The following NPIPB7 variants were observed in gnomAD, a reference collection of about 807,000 sequenced individuals.
NPIPB7 encodes the protein nuclear pore complex interacting protein family member B7.
For missense variants in NPIPB7, 14 were observed against 238.5 expected (o/e 0.06, Z 6.20); for synonymous variants, 9 against 88.1 (o/e 0.10, Z 5.03).
intron 2 of NPIPB7, among the ~76,000 whole-genome samples, chr16:28,464,825 TG>T (rs1191281687): frequency 6.7e-6 from 1 of 149,968 alleles, no homozygotes; most frequent in African/African-American, 2.5e-5. Flanking sequence ...TTGTAGAATT[TG>T]TTTTTTCCTG....
chr16:28,461,394 C>G (rs1448597437), intron 4 of NPIPB7, among the ~76,000 whole-genome samples: 1 of 141,406 alleles, frequency 7.1e-6, no homozygotes, highest in Non-Finnish European at 1.5e-5. Flanking sequence ...TGCCACTAGG[C>G]CTCAATTCAT....
intron 2 of NPIPB7, among the ~76,000 whole-genome samples, chr16:28,464,923 C>T (rs1268679183): frequency 2.1e-5 from 3 of 144,838 alleles, no homozygotes; most frequent in Admixed American, 6.9e-5. Context: ...AAAAGAGCAA[C>T]CACGTCAATC....
At chr16:28,472,036 A>G (rs1596615814), upstream of NPIPB7, among the ~76,000 whole-genome samples, 2 of 152,356 alleles carry the variant, frequency 1.3e-5, no homozygotes, top group Admixed American at 1.3e-4. Context: ...TCTCCAAAAA[A>G]AAAAAGTTGG....
At chr16:28,471,924 G>A (rs1234735926), upstream of NPIPB7, among the ~76,000 whole-genome samples, 1 of 152,196 alleles carries the variant, frequency 6.6e-6, no homozygotes, top group Non-Finnish European at 1.5e-5. Flanking sequence ...CAGATACTTG[G>A]TAGGCTGAGG....
At chr16:28,463,727 CAAA>C (rs1199745082) in intron 2 of NPIPB7, among the ~76,000 whole-genome samples, 307 of 14,734 alleles carry the variant, frequency 0.021, no homozygotes, top group Middle Eastern at 0.05. Flanking sequence ...AACTCTGTCT[CAAA>C]AAAAAAAAAA....
At chr16:28,470,563 A>C (rs1215756775), upstream of NPIPB7, 13 of 83,868 alleles carry the variant, frequency 1.6e-4, no homozygotes, top group Non-Finnish European at 1.9e-4. Context: ...GGGGAGGGGG[A>C]GGGGAAGGGG....
At chr16:28,462,482 A>G (rs1363869688) in intron 4 of NPIPB7, among the ~76,000 whole-genome samples, 192 bp downstream of exon 4, 2 of 146,648 alleles carry the variant, frequency 1.4e-5, no homozygotes, top group Admixed American at 6.7e-5. Context: ...CCCCGAAAAA[A>G]TTACAAACAA....
At chr16:28,464,033 C>CAA (rs1221794474) in intron 2 of NPIPB7, among the ~76,000 whole-genome samples, 2 of 26,026 alleles carry the variant, frequency 7.7e-5, no homozygotes, top group East Asian at 2.3e-3. Context: ...GACTCCGTCT[C>CAA]AAAAAAAAAA....
intron 4 of NPIPB7, among the ~76,000 whole-genome samples, chr16:28,461,863 G>A (rs594383): frequency 1.4e-3 from 197 of 138,806 alleles, no homozygotes; most frequent in Middle Eastern, 3.7e-3. Flanking sequence ...GATAAGAATC[G>A]CTTGAACCTG....
rs1166571913 is a variant in NPIPB7, at chr16:28,462,095, C to T, written c.545+579G>A. ...TTGCACCATAGCACTCCAGCCTGGG[C>T]GACAGAGCGAGATTCTATCTCAAAA... On this transcript the variant is annotated intron_variant, in intron 4 of 6. Coordinates refer to ENST00000452313, the Ensembl canonical transcript of NPIPB7. 7.0e-4 allele frequency among the ~76,000 whole-genome samples: 103 copies of T among 146,506 alleles called. No individual in the cohort carries two copies. In the South Asian group the frequency reaches 9.5e-3, roughly 13 times the overall value.
intron 2 of NPIPB7, among the ~76,000 whole-genome samples, chr16:28,465,583 T>C (rs1162798700): frequency 1.4e-5 from 2 of 138,634 alleles, no homozygotes; most frequent in African/African-American, 2.6e-5. Flanking sequence ...TAAATGTGCC[T>C]AGATATCTTC....
chr16:28,465,411 G>A (rs1306479025), intron 2 of NPIPB7, among the ~76,000 whole-genome samples: 1 of 94,910 alleles, frequency 1.1e-5, no homozygotes, highest in African/African-American at 3.5e-5. Flanking sequence ...CTTGAAGCCA[G>A]GAGGTGGAGG....
At chr16:28,463,757 C>G in intron 2 of NPIPB7, among the ~76,000 whole-genome samples, 1 of 132,524 alleles carries the variant, frequency 7.5e-6, no homozygotes, top group Admixed American at 8.2e-5. Flanking sequence ...AAAAAATAGC[C>G]CAGGTGCGGT....
At chr16:28,463,387 TCTCACACACACACA>T (rs1567248636) in intron 2 of NPIPB7, among the ~76,000 whole-genome samples, 3 of 81,116 alleles carry the variant, frequency 3.7e-5, no homozygotes, top group African/African-American at 1.4e-4. Flanking sequence ...TGAGACTCTG[TCTCACACACACACA>T]CACACACACA....
At chr16:28,464,443 A>G (rs917623147) in intron 2 of NPIPB7, among the ~76,000 whole-genome samples, 1 of 152,152 alleles carries the variant, frequency 6.6e-6, no homozygotes, top group Non-Finnish European at 1.5e-5. Context: ...TGCAATGCAA[A>G]TCCCATCTCA....
At chr16:28,461,947 C>CAAAAAA (rs56100146) in intron 4 of NPIPB7, among the ~76,000 whole-genome samples, 2 of 90,456 alleles carry the variant, frequency 2.2e-5, no homozygotes, top group Admixed American at 1.1e-4. Flanking sequence ...GACTCTGTCT[C>CAAAAAA]AAAAAAAAAA....
intron 2 of NPIPB7, among the ~76,000 whole-genome samples, chr16:28,463,418 C>T (rs1334023370): frequency 8.7e-6 from 1 of 114,776 alleles, no homozygotes; most frequent in Non-Finnish European, 1.8e-5. Flanking sequence ...CACACACACA[C>T]ACACACACAC....
intron 4 of NPIPB7, among the ~76,000 whole-genome samples, chr16:28,460,382 AG>A (rs2045861657): frequency 8.2e-6 from 1 of 121,832 alleles, no homozygotes; most frequent in Admixed American, 8.4e-5. Flanking sequence ...CTCCTAAGTC[AG>A]GGTGTTATGT....
upstream of NPIPB7, among the ~76,000 whole-genome samples, chr16:28,470,772 C>T (rs1321525832): frequency 2.0e-5 from 3 of 149,504 alleles, no homozygotes; most frequent in East Asian, 2.0e-4. Flanking sequence ...AGTTCTCAAG[C>T]GCTGGTGGAA....
Sources: gnomAD v4.1 joint callset for allele counts (sites outside exome capture counted in the v4.1 genomes callset) on GRCh38, gnomAD v4.1.1 for gene constraint, MANE v1.5 for transcripts, NCBI Gene and HGNC (gene_info 2026-07-23, HGNC 2026-07-21) for gene names.